CAMKK1: variants seen among roughly 807,000 people sequenced by gnomAD.
CAMKK1 encodes the protein calcium/calmodulin-dependent protein kinase kinase 1.
CAMKK1 carries 20 observed loss-of-function variants against 63.5 expected under a neutral mutation model. The observed-to-expected ratio is 0.32, with a 90% CI of 0.22 to 0.46. The LOEUF is 0.46. Ranked by LOEUF, CAMKK1 falls within the 20% of genes least tolerant of loss-of-function variation. CAMKK1 has a pLI of 1.00. For synonymous variants in CAMKK1, 253 were observed against 269.0 expected, an observed-to-expected ratio of 0.94 and a Z score of 0.58; for missense variants, 588 against 658.1, an observed-to-expected ratio of 0.89 and a Z score of 1.17.
intron 12 of CAMKK1, among the ~76,000 whole-genome samples, chr17:3,872,012 G>A (rs576910372): frequency 7.9e-5 from 12 of 152,324 alleles, no homozygotes; most frequent in African/African-American, 2.9e-4. Context: ...GGCTGCCACG[G>A]TGGCCGTCAT....
rs1171807336 is a variant in CAMKK1 at position 3,873,467 on chromosome 17, A to G, written c.997-5T>C. 3 of 1,614,064 alleles carry G rather than the reference A, an allele frequency of 1.9e-6. No individual in the cohort carries two copies. ...AGTGGCCCATACATCCAAGGCCTGGAAAGAAACATGCTCACATCAGTCCCC... is the reference window on the plus strand; with the variant it reads ...AGTGGCCCATACATCCAAGGCCTGGGAAGAAACATGCTCACATCAGTCCCC... On this transcript the variant is annotated splice_region_variant and splice_polypyrimidine_tract_variant and intron_variant, in intron 10 of 15. Coordinates refer to ENST00000348335, the MANE Select transcript of CAMKK1 (RefSeq NM_032294.3).
chr17:3,862,431 TCCC>T lies in CAMKK1; in HGVS notation c.1446-151_1446-149del. On this transcript the variant is annotated intron_variant, in intron 15 of 15. Coordinates refer to ENST00000348335, the MANE Select transcript of CAMKK1 (RefSeq NM_032294.3). The surrounding 1 kb of genome is among the most constrained non-coding windows in gnomAD (Gnocchi z 4.1). ...CCCCAAGCTTGGCCTCCCTCTGGCC[TCCC>T]TACATCACGGCAGTTGCTCCTTGCC... 1 of 682,138 alleles carries T rather than the reference TCCC, an allele frequency of 1.5e-6. No individual in the cohort carries two copies. Among genetic ancestry groups the T allele is most frequent in the Admixed American group, 2.4e-5 (1 of 41,682 alleles). The allele number at this position is 682,138 out of a possible 1,614,324, so 42.3% of individuals were successfully genotyped here.
intron 1 of CAMKK1, among the ~76,000 whole-genome samples, chr17:3,888,332 GA>G (rs2055746653): frequency 6.6e-6 from 1 of 152,160 alleles, no homozygotes; most frequent in Non-Finnish European, 1.5e-5. Context: ...AGCGGGTGGG[GA>G]TGGGCCCGGG....
At position 3,884,513 on chromosome 17, in the gene CAMKK1, G is replaced by A. The variant is rs2055558713; in HGVS notation, c.361-86C>T. 1.8e-5 allele frequency: 23 copies of A among 1,291,226 alleles called. No individual in the cohort carries two copies. The highest frequency in any genetic ancestry group is 2.0e-5 in the Admixed American group (1 of 49,354). 80.0% of individuals were successfully genotyped at this position (1,291,226 alleles called of 1,614,324 possible). On this transcript the variant is annotated intron_variant, in intron 2 of 15. Transcript: ENST00000348335. The surrounding 1 kb of genome is among the most constrained non-coding windows in gnomAD (Gnocchi z 4.5). ...CAGAGCCCGTTCAGGGTCCAATTCT[G>A]GCCATAAGCTCCTCATTCCCGGACC...
At chr17:3,881,923 G>C (rs1461027040) in intron 7 of CAMKK1, 14 of 541,612 alleles carry the variant, frequency 2.6e-5, no homozygotes, top group Non-Finnish European at 4.6e-5. Context: ...ACAGAGAAGG[G>C]GCAGAAATTT....
In CAMKK1 at chr17:3,885,559, G is replaced by A. The variant is rs143838057; in HGVS notation, c.129C>T (p.Asp43=). ...GGPEPTRNGV[D]PPPRARAASV... ...AGGCAGCTCTGGCCCGTGGTGGGGG[G>A]TCCACACCGTTTCTAGTAGGCTCTG... The change falls in exon 2 of 16, where the codon GAC becomes GAT. Residue 43 remains aspartate, a synonymous_variant. Transcript: ENST00000348335. The A allele has an allele frequency of 2.4e-5, 38 of 1,613,912 alleles. No homozygotes were observed. In the African/African-American group the frequency reaches 4.3e-4, roughly 18 times the overall value.
At chr17:3,877,205 T>C (rs2055205622) in intron 9 of CAMKK1, among the ~76,000 whole-genome samples, 1 of 152,134 alleles carries the variant, frequency 6.6e-6, no homozygotes, top group African/African-American at 2.4e-5. Context: ...AGTAAGATTG[T>C]AGGGACTCTG....
chr17:3,869,938 C>T, intron 12 of CAMKK1, 50 bp from the exon 13 acceptor site: 1 of 1,437,486 alleles, frequency 7.0e-7, no homozygotes, highest in Non-Finnish European at 9.8e-7. Context: ...GATGAGGACC[C>T]CTTCCTGTCC....
At chr17:3,881,180 C>T (rs1457771322) in intron 8 of CAMKK1, among the ~76,000 whole-genome samples, 2 of 152,226 alleles carry the variant, frequency 1.3e-5, no homozygotes, top group Admixed American at 6.5e-5. Context: ...TGACCTTGAG[C>T]AAGCCACGTA....
At chr17:3,875,086 C>A (rs1020020957) in intron 10 of CAMKK1, among the ~76,000 whole-genome samples, 29 of 151,878 alleles carry the variant, frequency 1.9e-4, no homozygotes, top group African/African-American at 6.8e-4. Flanking sequence ...CGCGCCACTG[C>A]ACTCCAGCCT....
chr17:3,889,240 G>A lies in CAMKK1; in HGVS notation c.-43-3510C>T, dbSNP rs2055794991. ...GGGGGTGTCTCAAGGCCCTTCCCAA[G>A]CTCAGGCCTTAGTAGATACTCTGTA... is the stretch of plus-strand genomic sequence containing the variant. On this transcript the variant is annotated intron_variant, in intron 1 of 15. Coordinates refer to ENST00000348335, the MANE Select transcript of CAMKK1 (RefSeq NM_032294.3). This position sits in a 1 kb window ranked among gnomAD's most constrained non-coding sequence, Gnocchi z 5.2. 6.6e-6 allele frequency among the ~76,000 whole-genome samples: 1 copy of A among 152,100 alleles called. No homozygotes were observed. Among genetic ancestry groups the A allele is most frequent in the Non-Finnish European group, 1.5e-5 (1 of 68,014 alleles).
chr17:3,874,518 C>T (rs950687447), intron 10 of CAMKK1, among the ~76,000 whole-genome samples: 2 of 152,104 alleles, frequency 1.3e-5, no homozygotes, highest in Non-Finnish European at 1.5e-5. Flanking sequence ...ATTACAGGTG[C>T]CTGCCACCAT....
intron 1 of CAMKK1, among the ~76,000 whole-genome samples, chr17:3,891,180 G>C (rs2055889435): frequency 6.6e-6 from 1 of 151,950 alleles, no homozygotes; most frequent in Admixed American, 6.6e-5. Context: ...AATAGTCACG[G>C]AGCACCTGCT....
In CAMKK1 at chr17:3,884,865, A is replaced by G. The variant is rs1387308217; in HGVS notation, c.361-438T>C. 1.3e-5 allele frequency among the ~76,000 whole-genome samples: 2 copies of G among 152,196 alleles called. No homozygotes were observed. The highest frequency in any genetic ancestry group is 2.9e-5 in the Non-Finnish European group (2 of 68,036). On this transcript the variant is annotated intron_variant, in intron 2 of 15. Transcript: ENST00000348335. The surrounding 1 kb of genome is among the most constrained non-coding windows in gnomAD (Gnocchi z 4.5). ...AGGCACAGAAAGCTCAGCCCCTGAC[A>G]TCTGTAGACTGCTTGGAACCTGAGT...
chr17:3,874,360 G>T (rs1263155100), intron 10 of CAMKK1, among the ~76,000 whole-genome samples: 1 of 152,128 alleles, frequency 6.6e-6, no homozygotes, highest in Non-Finnish European at 1.5e-5. Context: ...TTTAAATAAG[G>T]TCTGTGGATT....
At position 3,876,354 on chromosome 17, in the gene CAMKK1, C is replaced by T. The variant is rs548648072; in HGVS notation, c.865G>A (p.Val289Met). The T allele has an allele frequency of 7.4e-6, 12 of 1,614,130 alleles. No individual in the cohort carries two copies. Among genetic ancestry groups the T allele is most frequent in the African/African-American group, 1.3e-5 (1 of 74,950 alleles). Residue 289 changes from valine to methionine, a missense_variant, in exon 10 of 16, where the codon GTG becomes ATG. Coordinates refer to ENST00000348335, the MANE Select transcript of CAMKK1 (RefSeq NM_032294.3). ...CTGACGCCAAAGTCGGCGATCTTCA[C>T]GTGCCCATCATCCCCCAGGAGCAGG... ...SNLLLGDDGHVKIADFGVSNQ... is the reference protein window; with the variant it reads ...SNLLLGDDGHMKIADFGVSNQ...
Position 3,861,517 on chromosome 17 carries a change from C to T in CAMKK1, c.*694G>A, listed in dbSNP as rs555384381. On this transcript the variant is annotated 3_prime_UTR_variant, in exon 16 of 16. Transcript: ENST00000348335. ...AAACACAGTCCAGGAAAGTTAGTTC[C>T]ATCCACTTGGCTGCCAAATAATCTT... 1 of 152,700 alleles carries T rather than the reference C, an allele frequency of 6.5e-6. No homozygotes were observed. Among genetic ancestry groups the T allele is most frequent in the East Asian group, 1.9e-4 (1 of 5,190 alleles). The allele number at this position is 152,700 out of a possible 1,614,324, so 9.5% of individuals were successfully genotyped here. A position where few individuals can be genotyped will look rare whatever the true frequency, so the allele number is the denominator to read the frequency against.
At chr17:3,885,203 TC>T (rs1412894407) in intron 2 of CAMKK1, 124 bp downstream of exon 2, 2 of 1,136,214 alleles carry the variant, frequency 1.8e-6, no homozygotes, top group African/African-American at 3.1e-5. Context: ...GGTAGTGATC[TC>T]CCCAGCTCTG....
At chr17:3,870,154 C>T (rs1438390835) in intron 12 of CAMKK1, among the ~76,000 whole-genome samples, 1 of 152,104 alleles carries the variant, frequency 6.6e-6, no homozygotes, top group Non-Finnish European at 1.5e-5. Flanking sequence ...TATGGGACAC[C>T]AGAGGCCTTC....
Sources: gnomAD v4.1 joint callset for allele counts (sites outside exome capture counted in the v4.1 genomes callset) on GRCh38, gnomAD v4.1.1 for gene constraint, Gnocchi (gnomAD v3.1) non-coding constraint, MANE v1.5 for transcripts, NCBI Gene and HGNC (gene_info 2026-07-23, HGNC 2026-07-21) for gene names.